The following ANO3 variants were observed in gnomAD, a reference collection of about 807,000 sequenced individuals.
The protein encoded by ANO3 is anoctamin 3.
ANO3 carries 99 observed loss-of-function variants against 144.8 expected under a neutral mutation model. That is an observed-to-expected ratio of 0.68 (90% confidence interval 0.58 to 0.81). The LOEUF (loss-of-function observed/expected upper bound fraction) is 0.81, where lower values mean the gene tolerates loss of function less well. Ranked by LOEUF, ANO3 falls within the 30% of genes least tolerant of loss-of-function variation. The pLI, the probability that ANO3 is intolerant of heterozygous loss-of-function variation, is 0.00. For missense variants in ANO3, 905 were observed against 1,202.2 expected (o/e 0.75, Z 3.66); for synonymous variants, 414 against 392.6 (o/e 1.05, Z -0.64).
intron 11 of ANO3, among the ~76,000 whole-genome samples, chr11:26,545,626 A>G (rs1849766952): frequency 6.6e-6 from 1 of 151,896 alleles, no homozygotes; most frequent in Non-Finnish European, 1.5e-5. Flanking sequence ...AAAAGCATAG[A>G]TTTCCACATG....
At position 26,436,348 on chromosome 11, in the gene ANO3, G is replaced by A. The variant is rs528934289; in HGVS notation, c.47-5570G>A. On this transcript the variant is annotated intron_variant, in intron 1 of 26. Transcript: ENST00000256737. The stretch of plus-strand genomic sequence containing the variant: ...TGGCTCAAAAGTCCCAGCAGGGGGT[G>A]GACCCAGTGAGGAGATACTGGATCA... Among the ~76,000 whole-genome samples, 73 of 152,278 alleles carry A rather than the reference G, an allele frequency of 4.8e-4. 1 individual carries two copies. The highest frequency in any genetic ancestry group is 2.1e-3 in the South Asian group (10 of 4,822).
chr11:26,268,471 T>C (rs72874910), intron 1 of ANO3, among the ~76,000 whole-genome samples: 12,612 of 152,202 alleles, frequency 0.083, 708 homozygotes, highest in Non-Finnish European at 0.12. Flanking sequence ...TAAAAAGTTT[T>C]TGTTAGGCAA....
chr11:26,232,500 AG>A (rs1315870186), intron 1 of ANO3, among the ~76,000 whole-genome samples: 1 of 152,134 alleles, frequency 6.6e-6, no homozygotes, highest in Non-Finnish European at 1.5e-5. Context: ...TCTTGCTTAA[AG>A]CAGTTTAATG....
intron 13 of ANO3, among the ~76,000 whole-genome samples, chr11:26,556,375 T>C (rs1850082180): frequency 1.0e-5 from 1 of 98,070 alleles, no homozygotes; most frequent in Non-Finnish European, 2.4e-5. Flanking sequence ...AAACATGTAC[T>C]CAATACCCAG....
chr11:26,422,351 G>A (rs898809221), intron 1 of ANO3, among the ~76,000 whole-genome samples: 1 of 151,982 alleles, frequency 6.6e-6, no homozygotes, highest in Non-Finnish European at 1.5e-5. Flanking sequence ...AATGATATCT[G>A]AATAGCAGCT....
intron 1 of ANO3, among the ~76,000 whole-genome samples, chr11:26,400,991 C>A (rs1350148189): frequency 6.6e-6 from 1 of 151,926 alleles, no homozygotes; most frequent in African/African-American, 2.4e-5. Flanking sequence ...GGTAAGCTTG[C>A]TATTCTCTTT....
intron 1 of ANO3, among the ~76,000 whole-genome samples, chr11:26,407,047 GGTGTGT>G (rs372391349): frequency 0.062 from 6,673 of 108,260 alleles, 267 homozygotes; most frequent in African/African-American, 0.092. Flanking sequence ...TATATATATG[GGTGTGT>G]GTGTGTGTGT....
At chr11:26,456,264 A>C (rs1233428321) in intron 3 of ANO3, among the ~76,000 whole-genome samples, 3 of 152,200 alleles carry the variant, frequency 2.0e-5, no homozygotes, top group South Asian at 2.1e-4. Context: ...CAGCAAAAGA[A>C]ACTACCATCA....
At chr11:26,385,386 G>A (rs535321536) in intron 1 of ANO3, among the ~76,000 whole-genome samples, 2 of 152,152 alleles carry the variant, frequency 1.3e-5, no homozygotes, top group African/African-American at 4.8e-5. Flanking sequence ...TTATCTTACA[G>A]TTCTGGAGGT....
chr11:26,560,296 T>A (rs1165215049), intron 14 of ANO3: 2 of 152,154 alleles, frequency 1.3e-5, no homozygotes, highest in African/African-American at 4.8e-5. Flanking sequence ...TGGTTAACTT[T>A]TTTTTTTTAC....
chr11:26,312,311 G>C (rs867929604), intron 1 of ANO3, among the ~76,000 whole-genome samples: 5 of 152,232 alleles, frequency 3.3e-5, no homozygotes, highest in Non-Finnish European at 5.9e-5. Context: ...ACATGCGTTT[G>C]CATGTGTCTT....
intron 1 of ANO3, among the ~76,000 whole-genome samples, chr11:26,270,495 T>G (rs938287369): frequency 8.5e-5 from 13 of 152,338 alleles, no homozygotes; most frequent in African/African-American, 2.9e-4. Context: ...GATCAAAATC[T>G]CTCTCTTTTT....
At chr11:26,588,603 T>C (rs749765469) in intron 14 of ANO3, among the ~76,000 whole-genome samples, 6 of 152,220 alleles carry the variant, frequency 3.9e-5, no homozygotes, top group Non-Finnish European at 5.9e-5. Flanking sequence ...TTTGCTCAAG[T>C]ATATGCTGGA....
At chr11:26,600,461 T>G (rs1590616068) in intron 17 of ANO3, among the ~76,000 whole-genome samples, 1 of 32,452 alleles carries the variant, frequency 3.1e-5, no homozygotes, top group Non-Finnish European at 5.7e-5. Context: ...TCCCTTCTCC[T>G]TTCCTCCTCC....
chr11:26,480,540 A>G (rs548005468), intron 4 of ANO3, among the ~76,000 whole-genome samples: 1 of 152,102 alleles, frequency 6.6e-6, no homozygotes, highest in East Asian at 1.9e-4. Flanking sequence ...CAGGCCGGGC[A>G]CTCATGCCTG....
chr11:26,559,626 G>C, intron 13 of ANO3, 93 bp from the exon 14 acceptor site: 1 of 847,636 alleles, frequency 1.2e-6, no homozygotes, highest in Non-Finnish European at 2.0e-6. Context: ...GATTCTATTT[G>C]AGAAAAAATC....
chr11:26,326,637 T>G (rs1480428531), intron 1 of ANO3, among the ~76,000 whole-genome samples: 1 of 152,174 alleles, frequency 6.6e-6, no homozygotes, highest in Non-Finnish European at 1.5e-5. Context: ...CACCCTAACT[T>G]CTGGGGGTCA....
intron 1 of ANO3, among the ~76,000 whole-genome samples, chr11:26,280,820 G>A (rs536808822): frequency 6.6e-6 from 1 of 152,262 alleles, no homozygotes; most frequent in East Asian, 1.9e-4. Flanking sequence ...TGCCACCTTA[G>A]TATTCCTGCT....
At chr11:26,288,465 G>A (rs960978265) in intron 1 of ANO3, among the ~76,000 whole-genome samples, 1 of 152,142 alleles carries the variant, frequency 6.6e-6, no homozygotes, top group Admixed American at 6.5e-5. Context: ...TAAATTGTCA[G>A]CTTTCTGTGA....
Sources: gnomAD v4.1 joint callset for allele counts (sites outside exome capture counted in the v4.1 genomes callset) on GRCh38, gnomAD v4.1.1 for gene constraint, MANE v1.5 for transcripts, NCBI Gene and HGNC (gene_info 2026-07-23, HGNC 2026-07-21) for gene names.